The following PCDHGA8 variants were observed in gnomAD, a reference collection of about 807,000 sequenced individuals.
PCDHGA8 encodes protocadherin gamma subfamily A, 8, also known as protocadherin gamma-A8.
In PCDHGA8, 45 loss-of-function variants were observed where a neutral mutation model predicts 59.2. That is an observed-to-expected ratio of 0.76 (90% CI 0.60 to 0.98). The LOEUF (loss-of-function observed/expected upper bound fraction) is 0.98. PCDHGA8 is among the 50% of genes least tolerant of loss of function. PCDHGA8 has a pLI of 0.00. For synonymous variants in PCDHGA8, 531 were observed against 519.0 expected, an observed-to-expected ratio of 1.02 and a Z score of -0.32; for missense variants, 1,257 against 1,196.2, an observed-to-expected ratio of 1.05 and a Z score of -0.75.
At chr5:141,509,153 C>G (rs2099875485) in intron 3 of PCDHGA8, among the ~76,000 whole-genome samples, 2 of 152,190 alleles carry the variant, frequency 1.3e-5, no homozygotes, top group Non-Finnish European at 2.9e-5. Context: ...CGGCTCTCCC[C>G]TCCCGTGTGC....
At chr5:141,507,447 G>A (rs998019159) in intron 3 of PCDHGA8, among the ~76,000 whole-genome samples, 1 of 152,226 alleles carries the variant, frequency 6.6e-6, no homozygotes, top group Non-Finnish European at 1.5e-5. Flanking sequence ...GCTGACGGAA[G>A]GACAGAGAGA....
chr5:141,479,057 T>A (rs2099487107), intron 1 of PCDHGA8, among the ~76,000 whole-genome samples: 1 of 152,234 alleles, frequency 6.6e-6, no homozygotes, highest in East Asian at 1.9e-4. Context: ...TCTCAGATAA[T>A]TTTTTATGAA....
intron 1 of PCDHGA8, chr5:141,417,205 C>G (rs1217296715): frequency 6.6e-6 from 1 of 151,986 alleles, no homozygotes; most frequent in Non-Finnish European, 1.5e-5. Context: ...TGAATATAGG[C>G]TAGAATTGAA....
chr5:141,419,209 G>A (rs541061354), intron 1 of PCDHGA8: 11 of 1,613,900 alleles, frequency 6.8e-6, no homozygotes, highest in South Asian at 5.5e-5. Context: ...ACAACGCGCC[G>A]GTTTTCGGAC....
chr5:141,494,142 A>AAGACAACT (rs2099752181), intron 1 of PCDHGA8, among the ~76,000 whole-genome samples: 5 of 152,090 alleles, frequency 3.3e-5, no homozygotes, highest in Admixed American at 6.5e-5. Context: ...TTAGTCACAG[A>AAGACAACT]CCATTGTCTG....
Position 141,476,468 on chromosome 5 carries a change from C to T in PCDHGA8, c.2425-18339C>T. 6.2e-7 allele frequency: 1 copy of T among 1,614,132 alleles called. No homozygotes were observed. Among genetic ancestry groups the T allele is most frequent in the Non-Finnish European group, 8.5e-7 (1 of 1,180,022 alleles). On this transcript the variant is annotated intron_variant, in intron 1 of 3. Coordinates refer to ENST00000398604, the MANE Select transcript of PCDHGA8 (RefSeq NM_032088.2). The surrounding 1 kb of genome is among the most constrained non-coding windows in gnomAD (Gnocchi z 7.6). ...GTTGGTAGTGGAGAACCCGCTGGAG[C>T]TGTTCAGCGTGGAAGTGGTGATCCA...
At chr5:141,455,270 A>T (rs2098818132) in intron 1 of PCDHGA8, among the ~76,000 whole-genome samples, 1 of 151,958 alleles carries the variant, frequency 6.6e-6, no homozygotes, top group South Asian at 2.1e-4. Context: ...CTTCCCATTG[A>T]TTATTAACAT....
At chr5:141,404,917 G>C in intron 1 of PCDHGA8, 1 of 1,613,772 alleles carries the variant, frequency 6.2e-7, no homozygotes, top group Non-Finnish European at 8.5e-7. Flanking sequence ...CCCCTCTCTC[G>C]GCCACTGTCA....
rs1482297743 is a variant in PCDHGA8 at position 141,403,937 on chromosome 5, G to A, written c.2424+8700G>A. 8 of 1,613,778 alleles carry A rather than the reference G, an allele frequency of 5.0e-6. No individual in the cohort carries two copies. The highest frequency in any genetic ancestry group is 6.8e-6 in the Non-Finnish European group (8 of 1,179,896). On this transcript the variant is annotated intron_variant, in intron 1 of 3. Transcript: ENST00000398604. ...AGCTGAAGATGGTGGGGGATTGAAA[G>A]GGTGGACAAAAGTGCTCATTTCGGT...
At chr5:141,422,725 G>C (rs1424048338) in intron 1 of PCDHGA8, 1 of 1,606,156 alleles carries the variant, frequency 6.2e-7, no homozygotes, top group African/African-American at 1.3e-5. Flanking sequence ...TGTCCAGGGG[G>C]TGCCTCTGTC....
chr5:141,457,270 T>C (rs1338894991), intron 1 of PCDHGA8, among the ~76,000 whole-genome samples: 2 of 152,234 alleles, frequency 1.3e-5, no homozygotes. Flanking sequence ...TTCCCCTCTG[T>C]GGGCCTACGA....
intron 1 of PCDHGA8, chr5:141,424,584 C>T (rs919265310): frequency 3.9e-5 from 6 of 152,082 alleles, no homozygotes; most frequent in African/African-American, 1.4e-4. Flanking sequence ...TTCAAATGTG[C>T]TAAAGATGTC....
At chr5:141,400,592 G>T in intron 1 of PCDHGA8, 1 of 1,603,196 alleles carries the variant, frequency 6.2e-7, no homozygotes, top group Non-Finnish European at 8.5e-7. Context: ...TGAAACTATC[G>T]TACATTTTCA....
intron 1 of PCDHGA8, among the ~76,000 whole-genome samples, chr5:141,474,432 C>T (rs1050895539): frequency 6.6e-6 from 1 of 152,214 alleles, no homozygotes; most frequent in Non-Finnish European, 1.5e-5. Context: ...GGTCCTCACA[C>T]TTTGAGTAGC....
At chr5:141,478,452 C>T (rs763187393) in intron 1 of PCDHGA8, 1 of 1,613,598 alleles carries the variant, frequency 6.2e-7, no homozygotes, top group Admixed American at 1.7e-5. Context: ...CCTGGTGCAG[C>T]CAGTCCACTG....
chr5:141,411,765 T>A (rs796485295), intron 1 of PCDHGA8: 1 of 152,418 alleles, frequency 6.6e-6, no homozygotes, highest in South Asian at 2.1e-4. Context: ...GCCTGTGGTC[T>A]CAGCTACTCT....
chr5:141,432,908 C>G lies in PCDHGA8; in HGVS notation c.2424+37671C>G, dbSNP rs757934634. 6.2e-7 allele frequency: 1 copy of G among 1,614,168 alleles called. No homozygotes were observed. Reference sequence around the variant, plus strand: ...CATCTTGCTGCTGGCGCTCAGGCTGCGGCGCTGGCACAAGTCACGCCTGCT... The same window carrying G: ...CATCTTGCTGCTGGCGCTCAGGCTGGGGCGCTGGCACAAGTCACGCCTGCT... On this transcript the variant is annotated intron_variant, in intron 1 of 3. Transcript: ENST00000398604. This position sits in a 1 kb window ranked among gnomAD's most constrained non-coding sequence, Gnocchi z 6.0.
Position 141,434,784 on chromosome 5 carries a change from AT to A in PCDHGA8, c.2424+39556del, listed in dbSNP as rs201914459. On this transcript the variant is annotated intron_variant, in intron 1 of 3. Transcript: ENST00000398604. The stretch of plus-strand genomic sequence containing the variant: ...ACTTCACACTTCTAAAAAAAAAAAA[AT>A]TTTTTTTTCTGAGCTTGGAGAAATA... Among the ~76,000 whole-genome samples the A allele has an allele frequency of 3.3e-4, 49 of 150,342 alleles. 1 individual carries two copies. Among genetic ancestry groups the A allele is most frequent in the Middle Eastern group, 3.4e-3 (1 of 290 alleles).
rs376057952 is a variant in PCDHGA8 at position 141,417,907 on chromosome 5, A to G, written c.2424+22670A>G. On this transcript the variant is annotated intron_variant, in intron 1 of 3. Transcript: ENST00000398604. Reference sequence around the variant, plus strand: ...GGCGCCGGGCCGGCCCGCGGCAGGTACTATTTCCTTTGCTGCTGCCTTTGT... The same window carrying G: ...GGCGCCGGGCCGGCCCGCGGCAGGTGCTATTTCCTTTGCTGCTGCCTTTGT... The G allele has an allele frequency of 3.6e-4, 571 of 1,596,132 alleles. 2 individuals are homozygous for G. In the African/African-American group the frequency reaches 5.1e-3, roughly 14 times the overall value.
Sources: gnomAD v4.1 joint callset for allele counts (sites outside exome capture counted in the v4.1 genomes callset) on GRCh38, gnomAD v4.1.1 for gene constraint, Gnocchi (gnomAD v3.1) non-coding constraint, MANE v1.5 for transcripts, NCBI Gene and HGNC (gene_info 2026-07-23, HGNC 2026-07-21) for gene names.